CKAP5: variants seen among roughly 807,000 people sequenced by gnomAD.
CKAP5 encodes cytoskeleton associated protein 5.
Under a neutral mutation model 232.8 loss-of-function variants are expected in CKAP5, and 27 were observed. That is an observed-to-expected ratio of 0.12 (90% CI 0.09 to 0.16). CKAP5 has a LOEUF of 0.16. CKAP5 is among the 10% of genes least tolerant of loss of function. CKAP5 has a pLI of 1.00. For missense variants in CKAP5, 1,838 were observed against 2,424.7 expected (o/e 0.76, Z 5.08); for synonymous variants, 785 against 841.1 (o/e 0.93, Z 1.16).
At chr11:46,826,481 G>T (rs1316250070) in intron 1 of CKAP5, among the ~76,000 whole-genome samples, 1 of 152,102 alleles carries the variant, frequency 6.6e-6, no homozygotes, top group Non-Finnish European at 1.5e-5. Context: ...TTATACTCTG[G>T]TAAAAGCAAC....
chr11:46,790,149 G>T lies in CKAP5; in HGVS notation c.1802C>A (p.Pro601His). 2 of 1,610,086 alleles carry T rather than the reference G, an allele frequency of 1.2e-6. No individual in the cohort carries two copies. Among genetic ancestry groups the T allele is most frequent in the Non-Finnish European group, 1.7e-6 (2 of 1,177,174 alleles). Reference sequence around the variant, plus strand: ...GTCAAGAAGCTGTATACAGGTAGGGGGAAGAACAGCTGAAGCTTTTTCTTC... The same window carrying T: ...GTCAAGAAGCTGTATACAGGTAGGGTGAAGAACAGCTGAAGCTTTTTCTTC... ...VCEEKASAVL[P>H]PTCIQLLDSS... Residue 601 changes from proline (P) to histidine (H), a missense_variant, in exon 15 of 44, where the codon CCC (proline) becomes CAC (histidine). Coordinates refer to ENST00000529230, the MANE Select transcript of CKAP5 (RefSeq NM_001008938.4).
At chr11:46,823,241 C>G (rs1173860652) in intron 1 of CKAP5, among the ~76,000 whole-genome samples, 1 of 151,986 alleles carries the variant, frequency 6.6e-6, no homozygotes, top group Non-Finnish European at 1.5e-5. Flanking sequence ...CGCACCCACC[C>G]CTATGCTATC....
chr11:46,808,434 G>A (rs1218503557), intron 7 of CKAP5, among the ~76,000 whole-genome samples: 2 of 152,088 alleles, frequency 1.3e-5, no homozygotes, highest in Admixed American at 6.5e-5. Flanking sequence ...CCAGCTACTC[G>A]GGAGGCTGAG....
chr11:46,817,888 A>G (rs1939440722), intron 3 of CKAP5, among the ~76,000 whole-genome samples: 1 of 152,244 alleles, frequency 6.6e-6, no homozygotes, highest in Non-Finnish European at 1.5e-5. Flanking sequence ...TGATTCTAAC[A>G]TCACCTATCT....
intron 1 of CKAP5, among the ~76,000 whole-genome samples, chr11:46,831,288 A>G (rs7947747): frequency 0.42 from 63,404 of 151,942 alleles, 15,587 homozygotes; most frequent in Non-Finnish European, 0.54. Flanking sequence ...TTAGATGATA[A>G]ATAATGCTTT....
intron 1 of CKAP5, among the ~76,000 whole-genome samples, chr11:46,828,820 A>G (rs985969202): frequency 6.6e-6 from 1 of 152,258 alleles, no homozygotes; most frequent in Middle Eastern, 3.4e-3. Flanking sequence ...GAATTCATAG[A>G]ACCAGAAAGT....
intron 11 of CKAP5, among the ~76,000 whole-genome samples, 191 bp downstream of exon 11, chr11:46,797,614 T>C (rs766057476): frequency 7.2e-5 from 11 of 152,174 alleles, no homozygotes; most frequent in Non-Finnish European, 1.5e-4. Context: ...ATCATAACAC[T>C]AACTTGTGCT....
chr11:46,769,954 T>C lies in CKAP5; in HGVS notation c.3322+9A>G. On this transcript the variant is annotated intron_variant, in intron 26 of 43. Coordinates refer to ENST00000529230, the MANE Select transcript of CKAP5 (RefSeq NM_001008938.4). ...TCCTTCCCCTTTAACCTTCTTAAGA[T>C]AGAGTTACCTGATGCAGGCTGGAAT... 1 of 1,613,944 alleles carries C rather than the reference T, an allele frequency of 6.2e-7. No individual in the cohort carries two copies. The highest frequency in any genetic ancestry group is 8.5e-7 in the Non-Finnish European group (1 of 1,179,902).
At chr11:46,781,877 G>C (rs537531446) in intron 18 of CKAP5, among the ~76,000 whole-genome samples, 26 of 152,244 alleles carry the variant, frequency 1.7e-4, no homozygotes, top group African/African-American at 6.3e-4. Flanking sequence ...CGAGGCTGGA[G>C]AGCAATGGCA....
intron 42 of CKAP5, among the ~76,000 whole-genome samples, chr11:46,745,761 C>G (rs2065017903): frequency 6.6e-6 from 1 of 152,058 alleles, no homozygotes; most frequent in Non-Finnish European, 1.5e-5. Flanking sequence ...TCAAGACCAA[C>G]CTGGCCAACA....
rs759416998 is a variant in CKAP5, at chr11:46,751,135, T to C, written c.5443A>G (p.Lys1815Glu). The C allele has an allele frequency of 3.1e-6, 5 of 1,614,152 alleles. No individual in the cohort carries two copies. In the East Asian group the frequency reaches 8.9e-5, roughly 29 times the overall value. ...CCACTCACTATTCGAGATGCTCCCT[T>C]TTCTGTTTCCTTATCAGACTTGCTC... ...TGSKSDKETE[K>E]GASRIDEKSS... The change falls in exon 40 of 44, where the codon AAG (lysine) becomes GAG (glutamate). Residue 1815 changes from lysine (K) to glutamate (E), a missense_variant. By Grantham distance (56) the Lys-to-Glu change is moderately conservative. Transcript: ENST00000529230.
At position 46,760,624 on chromosome 11, in the gene CKAP5, G is replaced by T; in HGVS notation, c.4382C>A (p.Ser1461Tyr). The change falls in exon 33 of 44, where the codon TCT becomes TAT. Residue 1461 changes from serine (S) to tyrosine (Y), a missense_variant. By Grantham distance (144) the Ser-to-Tyr change is moderately radical (BLOSUM62 -2). This residue lies in a region of CKAP5 where 579 missense variants were observed against 843.2 expected (regional missense o/e 0.69). Transcript: ENST00000529230. ...TCTATCTACATACTTGAGTTTGGAA[G>T]ACATGTCCTCAGCTGGTCCCTTGCG... ...MLRKGPAEDM[S>Y]SKLNQARSMS... The T allele has an allele frequency of 6.2e-7, 1 of 1,614,160 alleles. No individual in the cohort carries two copies. The highest frequency in any genetic ancestry group is 1.1e-5 in the South Asian group (1 of 91,078).
intron 1 of CKAP5, among the ~76,000 whole-genome samples, chr11:46,839,304 C>T (rs7107778): frequency 0.64 from 97,493 of 151,842 alleles, 33,041 homozygotes; most frequent in Non-Finnish European, 0.77. Flanking sequence ...AATGCAAAGA[C>T]CGAAAAGAAT....
rs572695219 is a variant in CKAP5 at position 46,826,720 on chromosome 11, G to A, written c.-37-5452C>T. ...TACTGTCCACCAGGACTTGCAGCAC[G>A]GTCGCGGGATGCTTGCCCTTTGCCC... On this transcript the variant is annotated intron_variant, in intron 1 of 43. Coordinates refer to ENST00000529230, the MANE Select transcript of CKAP5 (RefSeq NM_001008938.4). 2.6e-5 allele frequency: 4 copies of A among 152,720 alleles called. No homozygotes were observed. In the East Asian group the frequency reaches 5.8e-4, roughly 22 times the overall value. 9.5% of individuals were successfully genotyped at this position (152,720 alleles called of 1,614,324 possible).
chr11:46,822,631 G>A (rs1939562205), intron 1 of CKAP5, among the ~76,000 whole-genome samples: 1 of 150,602 alleles, frequency 6.6e-6, no homozygotes, highest in African/African-American at 2.4e-5. Context: ...GGCGCCTGCA[G>A]TCCCAGCCAC....
At chr11:46,816,544 GA>G in intron 3 of CKAP5, 140 bp from the exon 4 acceptor site, 2 of 635,300 alleles carry the variant, frequency 3.1e-6, no homozygotes, top group Non-Finnish European at 5.4e-6. Flanking sequence ...TTATGTTCAA[GA>G]ATATTTTAAA....
chr11:46,762,247 CTT>C, intron 31 of CKAP5, 54 bp from the exon 32 acceptor site: 1 of 1,528,732 alleles, frequency 6.5e-7, no homozygotes, highest in Non-Finnish European at 9.0e-7. Context: ...GGGACAGAGA[CTT>C]ATCCTTACTA....
rs543141150 is a variant in CKAP5, at chr11:46,839,409, G to C, written c.-38+6811C>G. ...AATGTATTCTAAACTCCAGAGGCAA[G>C]AATAGGAAAATCATTTAAAAACCTT... On this transcript the variant is annotated intron_variant, in intron 1 of 43. Transcript: ENST00000529230. 5.3e-5 allele frequency among the ~76,000 whole-genome samples: 8 copies of C among 152,308 alleles called. 1 individual carries two copies. The South Asian group carries it at 1.2e-3, about 24-fold the overall frequency.
intron 28 of CKAP5, among the ~76,000 whole-genome samples, chr11:46,764,038 A>G (rs2134594522): frequency 6.6e-6 from 1 of 152,086 alleles, no homozygotes; most frequent in Middle Eastern, 3.4e-3. Flanking sequence ...AAGTCTCAAT[A>G]TGTTGTCCAG....
Sources: allele counts gnomAD v4.1 joint callset (sites outside exome capture counted in the v4.1 genomes callset), GRCh38; gene constraint gnomAD v4.1.1; regional missense constraint gnomAD v4.1.1; transcripts MANE v1.5; gene names NCBI Gene and HGNC (gene_info 2026-07-23, HGNC 2026-07-21).